Variants in PGGT1B observed in about 807,000 individuals in gnomAD.
PGGT1B encodes the protein geranylgeranyl transferase type-1 subunit beta.
A neutral mutation model predicts 46.1 loss-of-function variants in PGGT1B; 30 were observed. The observed-to-expected ratio is 0.65, with a 90% confidence interval of 0.49 to 0.88. The LOEUF is 0.88. PGGT1B is among the 40% of genes least tolerant of loss of function. The pLI, the probability that PGGT1B is intolerant of heterozygous loss-of-function variation, is 0.00. For synonymous variants in PGGT1B, 170 were observed against 160.0 expected, an observed-to-expected ratio of 1.06 and a Z score of -0.47; for missense variants, 376 against 455.9, an observed-to-expected ratio of 0.82 and a Z score of 1.60.
chr5:115,212,613 T>C (rs1216312194), intron 8 of PGGT1B, 30 bp from the exon 9 acceptor site: 2 of 1,453,664 alleles, frequency 1.4e-6, no homozygotes, highest in African/African-American at 1.4e-5. Context: ...AACATCATAA[T>C]AGGCATTCTT....
At position 115,221,967 on chromosome 5, in the gene PGGT1B, C is replaced by G; in HGVS notation, c.700G>C (p.Gly234Arg). The change falls in exon 7 of 9, where the codon GGT (glycine) becomes CGT (arginine). Residue 234 changes from glycine (G) to arginine (R), a missense_variant. Coordinates refer to ENST00000419445, the MANE Select transcript of PGGT1B (RefSeq NM_005023.4). ...TCTGAAAAAACTTCTTCTAGTTTAC[C>G]CATCAGACATAGTGAGGCAATGCCA... ...FCGIASLCLM[G>R]KLEEVFSEKE... 6.2e-7 allele frequency: 1 copy of G among 1,601,454 alleles called. No individual in the cohort carries two copies. The highest frequency in any genetic ancestry group is 1.1e-5 in the South Asian group (1 of 88,618).
intron 4 of PGGT1B, among the ~76,000 whole-genome samples, 195 bp from the exon 5 acceptor site, chr5:115,236,717 C>T (rs1374123209): frequency 6.6e-6 from 1 of 152,052 alleles, no homozygotes; most frequent in East Asian, 1.9e-4. Context: ...AAAACTTTCT[C>T]TAAATCATCA....
chr5:115,213,572 T>C (rs938473924), intron 8 of PGGT1B, among the ~76,000 whole-genome samples: 1 of 152,070 alleles, frequency 6.6e-6, no homozygotes, highest in African/African-American at 2.4e-5. Context: ...AGGAGTTCGA[T>C]ACCAGCCTGG....
At chr5:115,251,164 T>C (rs1164796804) in intron 2 of PGGT1B, among the ~76,000 whole-genome samples, 1 of 152,164 alleles carries the variant, frequency 6.6e-6, no homozygotes, top group Non-Finnish European at 1.5e-5. Flanking sequence ...TGTTCAGCTT[T>C]AGTAAATATA....
intron 8 of PGGT1B, among the ~76,000 whole-genome samples, chr5:115,213,673 A>C (rs1004861130): frequency 7.2e-5 from 11 of 152,266 alleles, no homozygotes; most frequent in South Asian, 2.1e-4. Context: ...CGGGAGGCTG[A>C]GGTGGGAGGC....
At chr5:115,257,997 T>C (rs572305777) in intron 1 of PGGT1B, among the ~76,000 whole-genome samples, 1 of 152,356 alleles carries the variant, frequency 6.6e-6, no homozygotes, top group African/African-American at 2.4e-5. Context: ...TCTTCATTTA[T>C]AATTATTTTT....
intron 1 of PGGT1B, among the ~76,000 whole-genome samples, chr5:115,256,290 G>A (rs1187593175): frequency 6.6e-6 from 1 of 152,178 alleles, no homozygotes; most frequent in Non-Finnish European, 1.5e-5. Flanking sequence ...TAATAGTGCT[G>A]AGGTTGAGAA....
At chr5:115,240,857 C>T (rs1323906151) in intron 3 of PGGT1B, among the ~76,000 whole-genome samples, 1 of 152,152 alleles carries the variant, frequency 6.6e-6, no homozygotes, top group Non-Finnish European at 1.5e-5. Flanking sequence ...TGATGCTTTT[C>T]TCCACTTTCT....
intron 2 of PGGT1B, among the ~76,000 whole-genome samples, chr5:115,248,871 T>C (rs112662996): frequency 6.6e-6 from 1 of 152,198 alleles, no homozygotes; most frequent in African/African-American, 2.4e-5. Context: ...ATCTATCTGA[T>C]TATGTATTTG....
chr5:115,223,285 C>A (rs1325607599), intron 6 of PGGT1B, among the ~76,000 whole-genome samples: 1 of 152,082 alleles, frequency 6.6e-6, no homozygotes, highest in African/African-American at 2.4e-5. Context: ...TCCCTGGAAC[C>A]TGTGAATGTT....
At position 115,205,654 on chromosome 5, in the gene PGGT1B, G is replaced by T. The variant is rs939652638; in HGVS notation, c.*6748C>A. On this transcript the variant is annotated 3_prime_UTR_variant, in exon 9 of 9. Coordinates refer to ENST00000419445, the MANE Select transcript of PGGT1B (RefSeq NM_005023.4). Reference sequence around the variant, plus strand: ...TGAGTTTGAGGAACGAAGCCACAAAGGTCTTTTCTAATGCCACAATTATTA... The same window carrying T: ...TGAGTTTGAGGAACGAAGCCACAAATGTCTTTTCTAATGCCACAATTATTA... 2.6e-5 allele frequency: 4 copies of T among 151,954 alleles called. No individual in the cohort carries two copies. The highest frequency in any genetic ancestry group is 9.7e-5 in the African/African-American group (4 of 41,398). The allele number at this position is 151,954 out of a possible 1,614,324, so 9.4% of individuals were successfully genotyped here.
At chr5:115,220,162 G>A (rs1284361635) in intron 7 of PGGT1B, among the ~76,000 whole-genome samples, 5 of 151,732 alleles carry the variant, frequency 3.3e-5, no homozygotes, top group African/African-American at 1.2e-4. Flanking sequence ...GTTTTTAGCA[G>A]TATTATTTGC....
At position 115,205,547 on chromosome 5, in the gene PGGT1B, G is replaced by A. The variant is rs1580734282; in HGVS notation, c.*6855C>T. The A allele has an allele frequency of 6.6e-6, 1 of 152,110 alleles. No homozygotes were observed. The highest frequency in any genetic ancestry group is 6.6e-5 in the Admixed American group (1 of 15,264). 9.4% of individuals were successfully genotyped at this position (152,110 alleles called of 1,614,324 possible). A position where few individuals can be genotyped will look rare whatever the true frequency, so the allele number is the denominator to read the frequency against. ...CTGGAGACAGAAAACATGCACTCTA[G>A]TTACAGTACTGCTACTAACTGTTAA... is the stretch of plus-strand genomic sequence containing the variant. On this transcript the variant is annotated 3_prime_UTR_variant, in exon 9 of 9. Coordinates refer to ENST00000419445, the MANE Select transcript of PGGT1B (RefSeq NM_005023.4).
chr5:115,216,867 G>A lies in PGGT1B; in HGVS notation c.950C>T (p.Pro317Leu). 2.8e-6 allele frequency: 4 copies of A among 1,448,646 alleles called. No individual in the cohort carries two copies. Among genetic ancestry groups the A allele is most frequent in the Non-Finnish European group, 3.9e-6 (4 of 1,032,324 alleles). The allele number at this position is 1,448,646 out of a possible 1,614,324, so 89.7% of individuals were successfully genotyped here. The change falls in exon 8 of 9, where the codon CCA becomes CTA. Residue 317 changes from proline to leucine, a missense_variant and splice_region_variant. Pro to Leu is a moderately conservative substitution (Grantham distance 98). Coordinates refer to ENST00000419445, the MANE Select transcript of PGGT1B (RefSeq NM_005023.4). ...GGFAKWPDSH[P>L]DALHAYFGIC... ...TGATTCACAAAGAAAATAATTACCTGGATGACTGTCTGGCCACTTGGCAAA... is the reference window on the plus strand; with the variant it reads ...TGATTCACAAAGAAAATAATTACCTAGATGACTGTCTGGCCACTTGGCAAA...
At chr5:115,217,782 A>G (rs1278518611) in intron 7 of PGGT1B, among the ~76,000 whole-genome samples, 1 of 152,040 alleles carries the variant, frequency 6.6e-6, no homozygotes, top group East Asian at 1.9e-4. Flanking sequence ...TTATTCATTT[A>G]CATTGATTTA....
At chr5:115,214,168 A>C (rs1253887972) in intron 8 of PGGT1B, among the ~76,000 whole-genome samples, 2 of 152,244 alleles carry the variant, frequency 1.3e-5, no homozygotes, top group Non-Finnish European at 2.9e-5. Context: ...ATCTATAATA[A>C]CATAAAATAG....
In PGGT1B at chr5:115,210,697, A is replaced by G. The variant is rs1195355517; in HGVS notation, c.*1705T>C. The G allele has an allele frequency of 6.6e-6, 1 of 152,106 alleles. No homozygotes were observed. Among genetic ancestry groups the G allele is most frequent in the Non-Finnish European group, 1.5e-5 (1 of 67,954 alleles). The allele number at this position is 152,106 out of a possible 1,614,324, so 9.4% of individuals were successfully genotyped here. On this transcript the variant is annotated 3_prime_UTR_variant, in exon 9 of 9. Coordinates refer to ENST00000419445, the MANE Select transcript of PGGT1B (RefSeq NM_005023.4). ...AGAAAAAACAATTTGGGCTTTTTAT[A>G]TAGTCCTAAAGCCATTATATATATG...
chr5:115,215,228 C>T (rs978652217), intron 8 of PGGT1B, among the ~76,000 whole-genome samples: 7 of 152,126 alleles, frequency 4.6e-5, no homozygotes, highest in Non-Finnish European at 1.5e-5. Flanking sequence ...CAACTCCTGA[C>T]TTCAAGTGAT....
At chr5:115,242,032 G>A (rs186366250) in intron 2 of PGGT1B, among the ~76,000 whole-genome samples, 377 of 152,234 alleles carry the variant, frequency 2.5e-3, no homozygotes, top group Non-Finnish European at 4.2e-3. Context: ...CATTTAGTGT[G>A]TTTTTACTTT....
Sources: gnomAD v4.1 joint callset for allele counts (sites outside exome capture counted in the v4.1 genomes callset) on GRCh38, gnomAD v4.1.1 for gene constraint, MANE v1.5 for transcripts, NCBI Gene and HGNC (gene_info 2026-07-23, HGNC 2026-07-21) for gene names.